The following AGBL3 variants were observed in gnomAD, a reference collection of about 807,000 sequenced individuals.
The protein encoded by AGBL3 is AGBL carboxypeptidase 3.
AGBL3 carries 68 observed loss-of-function variants against 94.5 expected under a neutral mutation model. That is an observed-to-expected ratio of 0.72 (90% CI 0.59 to 0.88). The LOEUF (loss-of-function observed/expected upper bound fraction) is 0.88. AGBL3 is among the 40% of genes least tolerant of loss of function. AGBL3 has a pLI of 0.00. For missense variants in AGBL3, 934 were observed against 1,103.8 expected (o/e 0.85, Z 2.18); for synonymous variants, 354 against 370.7 (o/e 0.95, Z 0.52).
At chr7:135,103,047 T>C (rs1392923546) in intron 15 of AGBL3, among the ~76,000 whole-genome samples, 2 of 152,186 alleles carry the variant, frequency 1.3e-5, no homozygotes, top group African/African-American at 4.8e-5. Context: ...CCTATGTCAT[T>C]TCTTCTTTGA....
intron 8 of AGBL3, among the ~76,000 whole-genome samples, chr7:135,040,880 A>ACG (rs1333373656): frequency 7.6e-5 from 1 of 13,072 alleles, no homozygotes; most frequent in Non-Finnish European, 5.3e-4. Context: ...ACACACACAC[A>ACG]CACACCACAC....
chr7:135,125,879 T>C, intron 16 of AGBL3, among the ~76,000 whole-genome samples: 1 of 152,204 alleles, frequency 6.6e-6, no homozygotes, highest in East Asian at 1.9e-4. Context: ...AAACTAGGTA[T>C]TGATGGAACA....
chr7:135,039,737 A>G (rs2116507021), intron 8 of AGBL3, among the ~76,000 whole-genome samples: 1 of 152,164 alleles, frequency 6.6e-6, no homozygotes. Context: ...TCCATCTCAA[A>G]AAAGAAAAGA....
chr7:135,080,839 C>A (rs985451973), intron 14 of AGBL3, among the ~76,000 whole-genome samples: 22 of 140,348 alleles, frequency 1.6e-4, no homozygotes, highest in African/African-American at 5.2e-4. Context: ...TTGATTTTAT[C>A]TAAAATACCT....
chr7:135,007,437 A>T (rs974046186), intron 4 of AGBL3, among the ~76,000 whole-genome samples: 1 of 151,972 alleles, frequency 6.6e-6, no homozygotes, highest in African/African-American at 2.4e-5. Flanking sequence ...AAGAAACAAG[A>T]TAATTTCAAT....
chr7:135,017,579 C>T (rs1813950696), intron 5 of AGBL3, among the ~76,000 whole-genome samples: 1 of 152,166 alleles, frequency 6.6e-6, no homozygotes, highest in Non-Finnish European at 1.5e-5. Context: ...AAAAGAGAAA[C>T]AACTGCCCCA....
At chr7:135,029,063 A>G (rs1584885296) in intron 5 of AGBL3, among the ~76,000 whole-genome samples, 1 of 152,302 alleles carries the variant, frequency 6.6e-6, no homozygotes, top group Middle Eastern at 3.4e-3. Flanking sequence ...GGTGTCGTCT[A>G]GATTTTGTTG....
Position 134,987,894 on chromosome 7 carries a change from C to A in AGBL3, c.-40C>A. The A allele has an allele frequency of 2.1e-6, 3 of 1,455,194 alleles. No homozygotes were observed. The highest frequency in any genetic ancestry group is 1.3e-5 in the South Asian group (1 of 79,200). 90.1% of individuals were successfully genotyped at this position (1,455,194 alleles called of 1,614,324 possible). ...CCTTAGAAATTGTTTTACAGCCTAC[C>A]CGTATATTACAAGAAATCTCAAGTC... On this transcript the variant is annotated 5_prime_UTR_variant, in exon 2 of 17. Coordinates refer to ENST00000436302, the MANE Select transcript of AGBL3 (RefSeq NM_178563.4).
chr7:134,996,541 G>T (rs1304795037), intron 4 of AGBL3, among the ~76,000 whole-genome samples: 1 of 152,236 alleles, frequency 6.6e-6, no homozygotes, highest in East Asian at 1.9e-4. Flanking sequence ...AATTAACTCT[G>T]TCTTACACAG....
intron 4 of AGBL3, among the ~76,000 whole-genome samples, chr7:135,005,319 T>A (rs1244729787): frequency 6.6e-6 from 1 of 151,762 alleles, no homozygotes; most frequent in Admixed American, 6.6e-5. Context: ...ATGCATACAT[T>A]TGTGTAATCT....
At chr7:135,101,915 T>C (rs1458323649) in intron 15 of AGBL3, among the ~76,000 whole-genome samples, 1 of 152,176 alleles carries the variant, frequency 6.6e-6, no homozygotes, top group Non-Finnish European at 1.5e-5. Context: ...GTCCTCATGA[T>C]AGTAAATAAG....
intron 16 of AGBL3, among the ~76,000 whole-genome samples, chr7:135,131,300 C>T (rs987165114): frequency 2.0e-5 from 3 of 151,910 alleles, no homozygotes; most frequent in Non-Finnish European, 4.4e-5. Context: ...AAATCACACA[C>T]CAGGGCCTGT....
chr7:134,988,679 T>C (rs1022259469), intron 2 of AGBL3, among the ~76,000 whole-genome samples: 1 of 152,026 alleles, frequency 6.6e-6, no homozygotes, highest in Non-Finnish European at 1.5e-5. Context: ...CTCTTGTTGC[T>C]CAAGCTGGAG....
chr7:135,045,627 A>C (rs1817282596), intron 10 of AGBL3, 53 bp downstream of exon 10: 3 of 1,478,764 alleles, frequency 2.0e-6, no homozygotes, highest in Non-Finnish European at 2.8e-6. Context: ...CAGATAACAT[A>C]AGCTGACTAT....
intron 15 of AGBL3, among the ~76,000 whole-genome samples, chr7:135,111,331 T>C (rs1158970136): frequency 1.3e-5 from 2 of 152,196 alleles, no homozygotes; most frequent in East Asian, 3.9e-4. Context: ...CTTCCTCACT[T>C]GTATACTTCT....
Position 135,077,815 on chromosome 7 carries a change from A to C in AGBL3, c.1980+1347A>C, listed in dbSNP as rs146213837. Among the ~76,000 whole-genome samples the C allele has an allele frequency of 5.7e-3, 868 of 152,286 alleles. 5 individuals are homozygous for C. The highest frequency in any genetic ancestry group is 0.018 in the African/African-American group (751 of 41,556). Reference sequence around the variant, plus strand: ...GCGCATGCTCGAGCTCACTCCTGAGATCTCATCAGGAAGCGGCTGATCACC... The same window carrying C: ...GCGCATGCTCGAGCTCACTCCTGAGCTCTCATCAGGAAGCGGCTGATCACC... On this transcript the variant is annotated intron_variant, in intron 13 of 16. Coordinates refer to ENST00000436302, the MANE Select transcript of AGBL3 (RefSeq NM_178563.4).
Position 135,045,470 on chromosome 7 carries a change from T to G in AGBL3, c.1628-4T>G. On this transcript the variant is annotated splice_polypyrimidine_tract_variant and splice_region_variant and intron_variant, in intron 9 of 16. Coordinates refer to ENST00000436302, the MANE Select transcript of AGBL3 (RefSeq NM_178563.4). ...AAGGGTGGATAAACTTATTGATGTT[T>G]TAGGTAACAAACGAGGCACTCATTT... 3 of 1,550,030 alleles carry G rather than the reference T, an allele frequency of 1.9e-6. No individual in the cohort carries two copies. Among genetic ancestry groups the G allele is most frequent in the Non-Finnish European group, 2.6e-6 (3 of 1,145,606 alleles).
At chr7:135,096,435 T>C (rs765990822) in intron 15 of AGBL3, among the ~76,000 whole-genome samples, 2 of 131,106 alleles carry the variant, frequency 1.5e-5, no homozygotes, top group Non-Finnish European at 3.4e-5. Context: ...AAGAAAGAGA[T>C]ATATATGGCT....
chr7:135,070,112 C>G (rs1450161328), intron 12 of AGBL3, among the ~76,000 whole-genome samples: 1 of 151,910 alleles, frequency 6.6e-6, no homozygotes, highest in Non-Finnish European at 1.5e-5. Flanking sequence ...TGCAAATAAA[C>G]TAGAAAATCT....
Sources: allele counts gnomAD v4.1 joint callset (sites outside exome capture counted in the v4.1 genomes callset), GRCh38; gene constraint gnomAD v4.1.1; transcripts MANE v1.5; gene names NCBI Gene and HGNC (gene_info 2026-07-23, HGNC 2026-07-21).